CDH12: variants seen among roughly 807,000 people sequenced by gnomAD.
CDH12 encodes the protein cadherin-12.
CDH12 carries 41 observed loss-of-function variants against 74.1 expected under a neutral mutation model. The ratio of observed to expected loss-of-function variants is 0.55; its 90% confidence interval spans 0.43 to 0.72. The LOEUF (loss-of-function observed/expected upper bound fraction) is 0.72, where lower values mean the gene tolerates loss of function less well. Ranked by LOEUF, CDH12 falls within the 30% of genes least tolerant of loss-of-function variation. The pLI is 0.00. For synonymous variants in CDH12, 399 were observed against 355.0 expected (o/e 1.12, Z -1.39); for missense variants, 945 against 977.2 (o/e 0.97, Z 0.44).
At chr5:22,177,548 T>C (rs912454047) in intron 4 of CDH12, among the ~76,000 whole-genome samples, 2 of 152,200 alleles carry the variant, frequency 1.3e-5, no homozygotes, top group African/African-American at 4.8e-5. Context: ...CAGACTTTAA[T>C]TTGGAGTTAC....
intron 1 of CDH12, among the ~76,000 whole-genome samples, chr5:22,545,433 G>T (rs1457640232): frequency 6.6e-6 from 1 of 152,152 alleles, no homozygotes. Context: ...CAACAAATAT[G>T]CAGGGCAAGG....
intron 8 of CDH12, among the ~76,000 whole-genome samples, chr5:21,829,339 C>T (rs1193651401): frequency 6.6e-6 from 1 of 152,188 alleles, no homozygotes; most frequent in East Asian, 1.9e-4. Flanking sequence ...AAGCAAAAAC[C>T]ACTCCCTATT....
intron 3 of CDH12, among the ~76,000 whole-genome samples, chr5:22,268,388 T>C (rs1435603460): frequency 6.6e-6 from 1 of 152,080 alleles, no homozygotes; most frequent in Non-Finnish European, 1.5e-5. Flanking sequence ...CTGGAAATAC[T>C]TGAAATAGCA....
intron 2 of CDH12, among the ~76,000 whole-genome samples, chr5:22,492,913 C>T (rs542841703): frequency 2.6e-5 from 4 of 152,110 alleles, no homozygotes; most frequent in Non-Finnish European, 5.9e-5. Flanking sequence ...CACAGAAGAT[C>T]CAAACTCCTC....
chr5:22,042,032 A>T (rs1297504510), intron 5 of CDH12, among the ~76,000 whole-genome samples: 2 of 152,168 alleles, frequency 1.3e-5, no homozygotes, highest in Non-Finnish European at 2.9e-5. Flanking sequence ...TACACAGAAA[A>T]TCAACAACAT....
At chr5:22,509,097 G>A (rs895871339) in intron 1 of CDH12, among the ~76,000 whole-genome samples, 5 of 152,130 alleles carry the variant, frequency 3.3e-5, no homozygotes, top group African/African-American at 1.2e-4. Context: ...TATGGCTAAG[G>A]CAGCAGAAAT....
chr5:22,431,038 T>C (rs1744149565), intron 2 of CDH12, among the ~76,000 whole-genome samples: 1 of 152,170 alleles, frequency 6.6e-6, no homozygotes, highest in South Asian at 2.1e-4. Context: ...TGCAGTAGCC[T>C]TAAAAGCATG....
intron 3 of CDH12, among the ~76,000 whole-genome samples, chr5:22,368,173 G>A (rs540504152): frequency 5.9e-4 from 89 of 151,828 alleles, no homozygotes; most frequent in Non-Finnish European, 9.1e-4. Flanking sequence ...CATTTGAGCC[G>A]AAACTTCATA....
At chr5:22,638,104 T>C (rs931196221) in intron 1 of CDH12, among the ~76,000 whole-genome samples, 1 of 152,214 alleles carries the variant, frequency 6.6e-6, no homozygotes, top group African/African-American at 2.4e-5. Flanking sequence ...ATCTAGAAAC[T>C]GAGAGTTTAA....
chr5:22,717,401 A>G lies in CDH12; in HGVS notation c.-523+135657T>C, dbSNP rs546170190. Among the ~76,000 whole-genome samples, 53 of 152,268 alleles carry G rather than the reference A, an allele frequency of 3.5e-4. 1 individual carries two copies. The highest frequency in any genetic ancestry group is 1.2e-3 in the African/African-American group (50 of 41,556). ...AGCAACAGACTATACCATATAACCT[A>G]GGTGTGTAGTAGGCTGTACCACTTA... On this transcript the variant is annotated intron_variant, in intron 1 of 14. Coordinates refer to ENST00000382254, the MANE Select transcript of CDH12 (RefSeq NM_004061.5).
At chr5:22,773,949 C>T (rs1438805918) in intron 1 of CDH12, among the ~76,000 whole-genome samples, 1 of 152,080 alleles carries the variant, frequency 6.6e-6, no homozygotes, top group Non-Finnish European at 1.5e-5. Flanking sequence ...CATTTCCCTC[C>T]AATCAAAATG....
At chr5:21,821,353 TTAAAAA>T (rs1357312097) in intron 8 of CDH12, among the ~76,000 whole-genome samples, 2 of 151,898 alleles carry the variant, frequency 1.3e-5, no homozygotes, top group Non-Finnish European at 2.9e-5. Flanking sequence ...AGATCTTTAC[TTAAAAA>T]TAAAGATTAT....
chr5:22,655,337 C>A (rs1394826863), intron 1 of CDH12, among the ~76,000 whole-genome samples: 2 of 152,210 alleles, frequency 1.3e-5, no homozygotes, highest in Non-Finnish European at 2.9e-5. Flanking sequence ...GATACTGTAA[C>A]TTTCTTGTGA....
intron 2 of CDH12, among the ~76,000 whole-genome samples, chr5:22,481,170 G>T (rs2126623895): frequency 6.6e-6 from 1 of 152,250 alleles, no homozygotes; most frequent in Admixed American, 6.5e-5. Context: ...ATGCCTGTTA[G>T]GATTCTGTTT....
chr5:21,765,263 T>C (rs952474795), intron 11 of CDH12, among the ~76,000 whole-genome samples, 164 bp from the exon 12 acceptor site: 88 of 152,240 alleles, frequency 5.8e-4, no homozygotes, highest in African/African-American at 1.3e-3. Context: ...TGATAAAGGA[T>C]CCTTTTTATC....
At chr5:21,882,739 C>T (rs1752424337) in intron 6 of CDH12, 50 of 1,604,660 alleles carry the variant, frequency 3.1e-5, no homozygotes, top group Non-Finnish European at 4.1e-5. Context: ...TTAGCCGATG[C>T]TGTGGCCGTT....
chr5:22,364,214 T>G (rs1740937559), intron 3 of CDH12, among the ~76,000 whole-genome samples: 1 of 152,196 alleles, frequency 6.6e-6, no homozygotes, highest in Non-Finnish European at 1.5e-5. Context: ...TTAAGGATAT[T>G]ATCAATTATA....
intron 4 of CDH12, among the ~76,000 whole-genome samples, chr5:22,081,386 C>A (rs990487949): frequency 6.6e-6 from 1 of 152,046 alleles, no homozygotes. Flanking sequence ...CTAGGGTTAA[C>A]CTCCAAGGTG....
At chr5:21,914,905 T>G (rs1166589747) in intron 6 of CDH12, among the ~76,000 whole-genome samples, 1 of 152,168 alleles carries the variant, frequency 6.6e-6, no homozygotes, top group Non-Finnish European at 1.5e-5. Context: ...AGTATTTGTT[T>G]AAAAAGTATG....
Sources: gnomAD v4.1 joint callset for allele counts (sites outside exome capture counted in the v4.1 genomes callset) on GRCh38, gnomAD v4.1.1 for gene constraint, MANE v1.5 for transcripts, NCBI Gene and HGNC (gene_info 2026-07-23, HGNC 2026-07-21) for gene names.